The following EXOC1 variants were observed in gnomAD, a reference collection of about 807,000 sequenced individuals.
EXOC1 encodes SEC3-like 1.
A neutral mutation model predicts 107.7 loss-of-function variants in EXOC1; 67 were observed. That is an observed-to-expected ratio of 0.62 (90% CI 0.51 to 0.76). The LOEUF is 0.76. EXOC1 is among the 30% of genes least tolerant of loss of function. EXOC1 has a pLI of 0.00. For missense variants in EXOC1, 833 were observed against 1,055.7 expected (o/e 0.79, Z 2.92); for synonymous variants, 348 against 353.5 (o/e 0.98, Z 0.17).
chr4:55,899,631 C>A, intron 16 of EXOC1, 54 bp from the exon 17 acceptor site: 1 of 1,473,848 alleles, frequency 6.8e-7, no homozygotes, highest in Non-Finnish European at 9.2e-7. Flanking sequence ...ATGTTTATAG[C>A]TAAATATGGT....
chr4:55,869,846 G>A (rs1000620322), intron 5 of EXOC1, among the ~76,000 whole-genome samples: 3 of 152,130 alleles, frequency 2.0e-5, no homozygotes, highest in South Asian at 2.1e-4. Flanking sequence ...GTTTTTCATC[G>A]TACCATGTTA....
rs1276026233 is a variant in EXOC1, at chr4:55,877,988, TAG to T, written c.1150_1151del (p.Asp384PhefsTer20). The stretch of plus-strand genomic sequence containing the variant: ...CTTTACCCAATCATCATCCATTTCA[TAG>T]AGATTTGCTCCGATATGCCAAGCTG... ...LTLPNHHPFHRDLLRYAKLME... is the reference protein window; with the variant it reads ...LTLPNHHPFHXDLLRYAKLME... On this transcript the variant is annotated frameshift_variant, in exon 9 of 19. Coordinates refer to ENST00000381295, the MANE Select transcript of EXOC1 (RefSeq NM_001024924.2). LOFTEE classifies it high-confidence loss of function. 1 of 1,613,800 alleles carries T rather than the reference TAG, an allele frequency of 6.2e-7. No individual in the cohort carries two copies. The highest frequency in any genetic ancestry group is 8.5e-7 in the Non-Finnish European group (1 of 1,179,892).
chr4:55,866,538 A>G (rs1345086749), intron 4 of EXOC1, among the ~76,000 whole-genome samples: 7 of 152,176 alleles, frequency 4.6e-5, no homozygotes, highest in Non-Finnish European at 1.0e-4. Context: ...ATGAGTCACA[A>G]CTGACCTAAA....
intron 3 of EXOC1, among the ~76,000 whole-genome samples, chr4:55,863,433 G>A (rs1721663231): frequency 6.6e-6 from 1 of 152,020 alleles, no homozygotes; most frequent in Non-Finnish European, 1.5e-5. Flanking sequence ...GATAACATGG[G>A]GAGATCTTGT....
rs144224616 is a variant in EXOC1, at chr4:55,887,997, A to G, written c.1331-891A>G. On this transcript the variant is annotated intron_variant, in intron 10 of 18. Transcript: ENST00000381295. The stretch of plus-strand genomic sequence containing the variant: ...CAAGATTTTTGCCTTGAAGCTTGGC[A>G]GGGATAATGTCAGTTGACACATCTT... 1.8e-3 allele frequency among the ~76,000 whole-genome samples: 280 copies of G among 152,338 alleles called. 1 individual carries two copies. Among genetic ancestry groups the G allele is most frequent in the African/African-American group, 6.2e-3 (257 of 41,572 alleles).
chr4:55,866,219 G>A (rs1184383476), intron 4 of EXOC1, among the ~76,000 whole-genome samples: 1 of 152,136 alleles, frequency 6.6e-6, no homozygotes, highest in Non-Finnish European at 1.5e-5. Flanking sequence ...TTTTATTGTT[G>A]ACAATTGAAT....
Position 55,871,836 on chromosome 4 carries a change from C to T in EXOC1, c.965-13C>T, listed in dbSNP as rs984649689. On this transcript the variant is annotated splice_polypyrimidine_tract_variant and intron_variant, in intron 7 of 18. Transcript: ENST00000381295. Reference sequence around the variant, plus strand: ...ACCCATTAAACTGGTCACAAAATGTCGTTCTGTGTCAGGCCATGACTTGCT... The same window carrying T: ...ACCCATTAAACTGGTCACAAAATGTTGTTCTGTGTCAGGCCATGACTTGCT... The T allele has an allele frequency of 1.7e-5, 27 of 1,608,986 alleles. No homozygotes were observed. Among genetic ancestry groups the T allele is most frequent in the Non-Finnish European group, 2.0e-5 (24 of 1,176,906 alleles).
chr4:55,902,967 A>C (rs747590031), intron 18 of EXOC1, among the ~76,000 whole-genome samples: 3 of 151,824 alleles, frequency 2.0e-5, no homozygotes, highest in Non-Finnish European at 4.4e-5. Context: ...ACATAGCAAG[A>C]CCTTGTCTCT....
chr4:55,857,199 G>A (rs1372960447), intron 1 of EXOC1, among the ~76,000 whole-genome samples: 5 of 47,988 alleles, frequency 1.0e-4, no homozygotes, highest in Admixed American at 3.7e-4. Flanking sequence ...TTTTTTTGGA[G>A]ACAGAGTCTG....
At chr4:55,890,531 GAAAAAA>G in intron 12 of EXOC1, 145 bp downstream of exon 12, 2 of 299,196 alleles carry the variant, frequency 6.7e-6, no homozygotes, top group Non-Finnish European at 1.2e-5. Context: ...TCGAATCTGG[GAAAAAA>G]AAAAAAAAAA....
intron 9 of EXOC1, among the ~76,000 whole-genome samples, chr4:55,880,460 G>A (rs953577671): frequency 6.6e-6 from 1 of 152,102 alleles, no homozygotes; most frequent in South Asian, 2.1e-4. Context: ...TCATTCAACA[G>A]AATTCAGATT....
chr4:55,874,436 A>C (rs1305808674), intron 8 of EXOC1, among the ~76,000 whole-genome samples: 3 of 152,160 alleles, frequency 2.0e-5, no homozygotes, highest in African/African-American at 7.2e-5. Flanking sequence ...TGGCACTAAA[A>C]GAATAAGAAT....
intron 10 of EXOC1, among the ~76,000 whole-genome samples, chr4:55,887,637 A>G (rs550629331): frequency 2.4e-4 from 37 of 152,004 alleles, no homozygotes; most frequent in Non-Finnish European, 4.4e-4. Flanking sequence ...CACATCTATA[A>G]TCTCAGCTAT....
At chr4:55,889,963 T>C (rs1253534795) in intron 11 of EXOC1, among the ~76,000 whole-genome samples, 1 of 152,204 alleles carries the variant, frequency 6.6e-6, no homozygotes, top group Non-Finnish European at 1.5e-5. Flanking sequence ...ATAGACAATA[T>C]GCTCCTTAAG....
intron 8 of EXOC1, chr4:55,876,965 C>G: frequency 1.0e-6 from 1 of 985,324 alleles, no homozygotes; most frequent in Non-Finnish European, 1.2e-6. Flanking sequence ...CTTTCTTTCT[C>G]AGTTACCAAG....
Position 55,853,792 on chromosome 4 carries a change from C to T in EXOC1, c.-172C>T, listed in dbSNP as rs533498265. On this transcript the variant is annotated 5_prime_UTR_variant, in exon 1 of 19. Transcript: ENST00000381295. ...TCGGCACAGCCAGGCTCAGTCCGGCCTTGCGGTAAGCCTTCGGCCGCGGCT... is the reference window on the plus strand; with the variant it reads ...TCGGCACAGCCAGGCTCAGTCCGGCTTTGCGGTAAGCCTTCGGCCGCGGCT... 1.3e-5 allele frequency: 2 copies of T among 152,490 alleles called. No homozygotes were observed. The highest frequency in any genetic ancestry group is 2.9e-5 in the Non-Finnish European group (2 of 68,152). The allele number at this position is 152,490 out of a possible 1,614,324, so 9.4% of individuals were successfully genotyped here. A position where few individuals can be genotyped will look rare whatever the true frequency, so the allele number is the denominator to read the frequency against.
At chr4:55,902,579 A>G in intron 18 of EXOC1, 41 bp downstream of exon 18, 1 of 1,399,894 alleles carries the variant, frequency 7.1e-7, no homozygotes, top group Non-Finnish European at 9.4e-7. Flanking sequence ...AAAGATCCTT[A>G]CATATATTGC....
chr4:55,867,035 A>G, intron 4 of EXOC1: 1 of 282,418 alleles, frequency 3.5e-6, no homozygotes, highest in Non-Finnish European at 5.3e-6. Flanking sequence ...TAATGATAGT[A>G]TTTATTATTG....
intron 8 of EXOC1, 37 bp downstream of exon 8, chr4:55,871,995 A>G (rs369179149): frequency 2.3e-5 from 36 of 1,567,498 alleles, no homozygotes; most frequent in Middle Eastern, 3.4e-4. Flanking sequence ...GCATGTTCCT[A>G]TAGCTTATTT....
Sources: allele counts gnomAD v4.1 joint callset (sites outside exome capture counted in the v4.1 genomes callset), GRCh38; gene constraint gnomAD v4.1.1; transcripts MANE v1.5; gene names NCBI Gene and HGNC (gene_info 2026-07-23, HGNC 2026-07-21).